MCUR1: variants seen among roughly 807,000 people sequenced by gnomAD.
The protein encoded by MCUR1 is MCU regulator 1.
Under a neutral mutation model 42.0 loss-of-function variants are expected in MCUR1, and 37 were observed. The observed-to-expected ratio is 0.88, with a 90% CI of 0.68 to 1.16. The LOEUF (loss-of-function observed/expected upper bound fraction) is 1.16, where lower values mean the gene tolerates loss of function less well. Ranked by LOEUF, MCUR1 falls within the 50% of genes most tolerant of loss-of-function variation. The pLI is 0.00. For missense variants in MCUR1, 469 were observed against 468.4 expected (o/e 1.00, Z -0.01); for synonymous variants, 229 against 196.2 (o/e 1.17, Z -1.40).
Position 13,787,163 on chromosome 6 carries a change from T to C in MCUR1, c.*3646A>G, listed in dbSNP as rs1001438616. On this transcript the variant is annotated 3_prime_UTR_variant, in exon 9 of 9. Coordinates refer to ENST00000379170, the MANE Select transcript of MCUR1 (RefSeq NM_001031713.4). The stretch of plus-strand genomic sequence containing the variant: ...ACAGACAGGCTTGAAAGGAGAAGGC[T>C]AGAAGAGGGAAGATTATGTCACTAA... 1 of 152,062 alleles carries C rather than the reference T, an allele frequency of 6.6e-6. No homozygotes were observed. Among genetic ancestry groups the C allele is most frequent in the Non-Finnish European group, 1.5e-5 (1 of 68,036 alleles). 9.4% of individuals were successfully genotyped at this position (152,062 alleles called of 1,614,324 possible).
At chr6:13,799,187 ATTT>A (rs11482576) in intron 5 of MCUR1, among the ~76,000 whole-genome samples, 2 of 139,806 alleles carry the variant, frequency 1.4e-5, no homozygotes. Flanking sequence ...TGTTGCTGCC[ATTT>A]TTTTTTTTTT....
At chr6:13,807,402 GAATCAT>G (rs1017143957) in intron 1 of MCUR1, among the ~76,000 whole-genome samples, 1 of 152,116 alleles carries the variant, frequency 6.6e-6, no homozygotes, top group African/African-American at 2.4e-5. Flanking sequence ...CATAGAAATG[GAATCAT>G]ATAATATATA....
At chr6:13,802,439 G>A in intron 2 of MCUR1, 93 bp from the exon 3 acceptor site, 1 of 961,598 alleles carries the variant, frequency 1.0e-6, no homozygotes, top group Non-Finnish European at 1.6e-6. Flanking sequence ...AATCCAGGAG[G>A]AAGAGTACAG....
rs1300171304 is a variant in MCUR1, at chr6:13,788,794, AC to A, written c.*2014del. 7.2e-5 allele frequency: 11 copies of A among 152,226 alleles called. No homozygotes were observed. Among genetic ancestry groups the A allele is most frequent in the Non-Finnish European group, 1.2e-4 (8 of 68,040 alleles). The allele number at this position is 152,226 out of a possible 1,614,324, so 9.4% of individuals were successfully genotyped here. A position where few individuals can be genotyped will look rare whatever the true frequency, so the allele number is the denominator to read the frequency against. ...GAAAAAGATTAAATTATAATATTTCACTTTGAAACTGCTATTGCTCATGCAA... is the reference window on the plus strand; with the variant it reads ...GAAAAAGATTAAATTATAATATTTCATTTGAAACTGCTATTGCTCATGCAA... On this transcript the variant is annotated 3_prime_UTR_variant, in exon 9 of 9. Coordinates refer to ENST00000379170, the MANE Select transcript of MCUR1 (RefSeq NM_001031713.4).
chr6:13,803,144 C>CG (rs1275070362), intron 2 of MCUR1, among the ~76,000 whole-genome samples: 1 of 152,128 alleles, frequency 6.6e-6, no homozygotes, highest in African/African-American at 2.4e-5. Context: ...TCACAGCAAC[C>CG]TCCACCTCCC....
intron 1 of MCUR1, among the ~76,000 whole-genome samples, chr6:13,811,711 A>G (rs1247247454): frequency 6.6e-6 from 1 of 152,194 alleles, no homozygotes; most frequent in Non-Finnish European, 1.5e-5. Flanking sequence ...TGACTTGTGA[A>G]GAGTGACAGG....
chr6:13,802,613 C>T (rs1308128688), intron 2 of MCUR1, among the ~76,000 whole-genome samples: 3 of 152,106 alleles, frequency 2.0e-5, no homozygotes, highest in African/African-American at 7.2e-5. Context: ...TTTTCAGAGA[C>T]TATTTAATGA....
At chr6:13,801,165 G>T (rs1474922039) in intron 4 of MCUR1, 123 bp downstream of exon 4, 2 of 700,310 alleles carry the variant, frequency 2.9e-6, no homozygotes, top group East Asian at 2.7e-5. Context: ...GATCTGACTG[G>T]AAGTGCACAC....
chr6:13,805,692 C>A (rs1324053385), intron 2 of MCUR1, among the ~76,000 whole-genome samples: 1 of 152,170 alleles, frequency 6.6e-6, no homozygotes. Context: ...CTGACACAAA[C>A]ATGTACAACT....
intron 1 of MCUR1, among the ~76,000 whole-genome samples, chr6:13,813,370 C>G (rs1488047834): frequency 6.6e-6 from 1 of 152,052 alleles, no homozygotes; most frequent in Non-Finnish European, 1.5e-5. Flanking sequence ...TTTTTCTATA[C>G]CAGGCATCGA....
rs1397768945 is a variant in MCUR1, at chr6:13,786,610, T to G, written c.*4199A>C. 1 of 152,164 alleles carries G rather than the reference T, an allele frequency of 6.6e-6. No individual in the cohort carries two copies. Among genetic ancestry groups the G allele is most frequent in the Admixed American group, 6.6e-5 (1 of 15,264 alleles). 9.4% of individuals were successfully genotyped at this position (152,164 alleles called of 1,614,324 possible). A position where few individuals can be genotyped will look rare whatever the true frequency, so the allele number is the denominator to read the frequency against. The stretch of plus-strand genomic sequence containing the variant: ...TATACCCAAATTTTCAAGTATTAGA[T>G]TTACTTAGAAATTCACCAGTGTTAT... On this transcript the variant is annotated 3_prime_UTR_variant, in exon 9 of 9. Transcript: ENST00000379170.
At chr6:13,797,526 G>A (rs929261200) in intron 6 of MCUR1, among the ~76,000 whole-genome samples, 2 of 151,500 alleles carry the variant, frequency 1.3e-5, no homozygotes, top group African/African-American at 4.9e-5. Flanking sequence ...GGCTAACACG[G>A]TGAAACCCCG....
At chr6:13,792,769 T>C (rs531923611) in intron 7 of MCUR1, among the ~76,000 whole-genome samples, 23 of 152,050 alleles carry the variant, frequency 1.5e-4, no homozygotes, top group African/African-American at 5.1e-4. Context: ...AAAAAAGAAA[T>C]AAATGCCTGG....
Position 13,790,814 on chromosome 6 carries a change from T to G in MCUR1, c.1075A>C (p.Ile359Leu). 2 of 1,611,050 alleles carry G rather than the reference T, an allele frequency of 1.2e-6. No homozygotes were observed. Among genetic ancestry groups the G allele is most frequent in the Non-Finnish European group, 1.7e-6 (2 of 1,178,072 alleles). ...TVALGFYRLWI is the reference protein window; with the variant it reads ...TVALGFYRLWL ...CACTTTAAATAGACACTTTATTAGA[T>G]CCACAGGCGATAAAATCCCAGAGCT... The change falls in exon 9 of 9, where the codon ATC becomes CTC. Residue 359 changes from isoleucine (I) to leucine (L), a missense_variant. Coordinates refer to ENST00000379170, the MANE Select transcript of MCUR1 (RefSeq NM_001031713.4).
At chr6:13,801,267 G>C in intron 4 of MCUR1, 21 bp downstream of exon 4, 2 of 1,477,350 alleles carry the variant, frequency 1.4e-6, no homozygotes, top group Non-Finnish European at 1.9e-6. Context: ...AACTTTCTAA[G>C]TGTGAGAGGC....
At chr6:13,803,662 G>T in intron 2 of MCUR1, 1 of 808,176 alleles carries the variant, frequency 1.2e-6, no homozygotes, top group Non-Finnish European at 1.5e-6. Flanking sequence ...CATCACTTTC[G>T]TCAAAATTCT....
At chr6:13,795,374 C>T (rs189716012) in intron 6 of MCUR1, among the ~76,000 whole-genome samples, 3 of 152,294 alleles carry the variant, frequency 2.0e-5, no homozygotes, top group South Asian at 2.1e-4. Context: ...TAAATATTGA[C>T]GCTGTCATGG....
intron 7 of MCUR1, 79 bp from the exon 8 acceptor site, chr6:13,792,071 G>C: frequency 9.3e-7 from 1 of 1,074,304 alleles, no homozygotes; most frequent in South Asian, 1.3e-5. Context: ...CTTCCCAACG[G>C]GGTGCAGTCA....
Position 13,790,046 on chromosome 6 carries a change from G to A in MCUR1, c.*763C>T, listed in dbSNP as rs1759694978. 6.6e-6 allele frequency: 1 copy of A among 152,152 alleles called. No individual in the cohort carries two copies. The highest frequency in any genetic ancestry group is 6.5e-5 in the Admixed American group (1 of 15,270). The allele number at this position is 152,152 out of a possible 1,614,324, so 9.4% of individuals were successfully genotyped here. On this transcript the variant is annotated 3_prime_UTR_variant, in exon 9 of 9. Coordinates refer to ENST00000379170, the MANE Select transcript of MCUR1 (RefSeq NM_001031713.4). ...CAGCTGAAACAATACTATGGTACAG[G>A]GACTAGCTCATGTTAAAGACTGGTT...
Sources: allele counts gnomAD v4.1 joint callset (sites outside exome capture counted in the v4.1 genomes callset), GRCh38; gene constraint gnomAD v4.1.1; transcripts MANE v1.5; gene names NCBI Gene and HGNC (gene_info 2026-07-23, HGNC 2026-07-21).